The following RBM38 variants were observed in gnomAD, a reference collection of about 807,000 sequenced individuals.
The protein encoded by RBM38 is RNA-binding protein 38.
RBM38 carries 11 observed loss-of-function variants against 23.5 expected under a neutral mutation model. The observed-to-expected ratio is 0.47, with a 90% confidence interval of 0.29 to 0.77. RBM38 has a LOEUF of 0.77. RBM38 is among the 30% of genes least tolerant of loss of function. The pLI is 0.08. For missense variants in RBM38, 330 were observed against 351.9 expected (o/e 0.94, Z 0.50); for synonymous variants, 165 against 166.1 (o/e 0.99, Z 0.05).
chr20:57,401,407 C>A (rs968234988), intron 3 of RBM38, among the ~76,000 whole-genome samples: 1 of 152,196 alleles, frequency 6.6e-6, no homozygotes, highest in Non-Finnish European at 1.5e-5. Context: ...GCCTGCCCAG[C>A]CCTGGCTGCT....
Position 57,391,622 on chromosome 20 carries a change from T to G in RBM38, c.41T>G (p.Phe14Cys). The change falls in exon 1 of 4, where the codon TTC (phenylalanine) becomes TGC (cysteine). Residue 14 changes from phenylalanine (F) to cysteine (C), a missense_variant. By Grantham distance (205) the Phe-to-Cys change is radical. This residue lies in a region of RBM38 where 95 missense variants were observed against 111.9 expected (regional missense o/e 0.85). Coordinates refer to ENST00000356208, the MANE Select transcript of RBM38 (RefSeq NM_017495.6). ...GCGCCGTGCGCCCCGAGCGCGGGCT[T>G]CCCGCGGCCCCTGGCCGCCCCCGGC... is the stretch of plus-strand genomic sequence containing the variant. Reference protein sequence around the residue: ...QPAPCAPSAGFPRPLAAPGAM... With the variant: ...QPAPCAPSAGCPRPLAAPGAM... 7.0e-7 allele frequency: 1 copy of G among 1,435,358 alleles called. No individual in the cohort carries two copies. Among genetic ancestry groups the G allele is most frequent in the Non-Finnish European group, 9.2e-7 (1 of 1,083,890 alleles). The allele number at this position is 1,435,358 out of a possible 1,614,324, so 88.9% of individuals were successfully genotyped here.
At chr20:57,405,900 G>A (rs1177065990) in intron 3 of RBM38, among the ~76,000 whole-genome samples, 6 of 152,204 alleles carry the variant, frequency 3.9e-5, no homozygotes, top group South Asian at 2.1e-4. Context: ...GCCAAACCGC[G>A]CTCCAGAAAG....
chr20:57,407,617 C>G lies in RBM38; in HGVS notation c.491C>G (p.Ser164Trp), dbSNP rs150246007. The G allele has an allele frequency of 1.9e-6, 3 of 1,613,700 alleles. No individual in the cohort carries two copies. The highest frequency in any genetic ancestry group is 1.6e-4 in the Middle Eastern group (1 of 6,062). The part of the protein sequence containing the change: ...SVVIPAAPVP[S>W]LSSPYIEYTP... The stretch of plus-strand genomic sequence containing the variant: ...GTGATCCCAGCCGCCCCTGTCCCGT[C>G]GCTGTCCTCGCCCTACATTGAGTAC... The change falls in exon 4 of 4, where the codon TCG becomes TGG. Residue 164 changes from serine (S) to tryptophan (W), a missense_variant. Coordinates refer to ENST00000356208, the MANE Select transcript of RBM38 (RefSeq NM_017495.6). This position sits in a 1 kb window ranked among gnomAD's most constrained non-coding sequence, Gnocchi z 4.0.
intron 3 of RBM38, among the ~76,000 whole-genome samples, chr20:57,401,378 G>C (rs190795841): frequency 1.6e-4 from 24 of 152,326 alleles, no homozygotes; most frequent in African/African-American, 5.5e-4. Context: ...GGGTGGAGCC[G>C]TGCCTGCCTG....
Position 57,391,542 on chromosome 20 carries a change from C to G in RBM38, c.-40C>G. The G allele has an allele frequency of 1.6e-5, 13 of 798,114 alleles. No individual in the cohort carries two copies. The highest frequency in any genetic ancestry group is 2.0e-5 in the Non-Finnish European group (13 of 647,704). The allele number at this position is 798,114 out of a possible 1,614,324, so 49.4% of individuals were successfully genotyped here. A position where few individuals can be genotyped will look rare whatever the true frequency, so the allele number is the denominator to read the frequency against. ...TCCCCGCCGCCCCCCATGAGCGCAG[C>G]CCCGCGCGGCCCGGGTCCGTAGGCG... is the stretch of plus-strand genomic sequence containing the variant. On this transcript the variant is annotated 5_prime_UTR_variant, in exon 1 of 4. Transcript: ENST00000356208.
At chr20:57,404,030 G>T (rs960127185) in intron 3 of RBM38, among the ~76,000 whole-genome samples, 2 of 152,208 alleles carry the variant, frequency 1.3e-5, no homozygotes, top group African/African-American at 4.8e-5. Flanking sequence ...GGAGAGCCCC[G>T]CCTTCCTCCC....
chr20:57,400,331 C>A (rs144492289), intron 3 of RBM38, among the ~76,000 whole-genome samples: 42 of 152,218 alleles, frequency 2.8e-4, no homozygotes, highest in Middle Eastern at 3.4e-3. Flanking sequence ...CACGTGTGAA[C>A]GGGAAGGGAG....
chr20:57,408,139 T>G lies in RBM38; in HGVS notation c.*293T>G. 2.1e-6 allele frequency: 1 copy of G among 484,676 alleles called. No individual in the cohort carries two copies. Among genetic ancestry groups the G allele is most frequent in the Non-Finnish European group, 3.8e-6 (1 of 263,996 alleles). 30.0% of individuals were successfully genotyped at this position (484,676 alleles called of 1,614,324 possible). On this transcript the variant is annotated 3_prime_UTR_variant, in exon 4 of 4. Transcript: ENST00000356208. ...CATGGCAGCCTCTCCTTGCACCTTC[T>G]CCTGCCTCTCCACACTCCAGGTTCC...
intron 3 of RBM38, among the ~76,000 whole-genome samples, chr20:57,402,871 G>A (rs1010907433): frequency 2.6e-5 from 4 of 152,244 alleles, no homozygotes; most frequent in African/African-American, 4.8e-5. Flanking sequence ...GTGGCCGCCC[G>A]GCGTGGGCAC....
Position 57,408,035 on chromosome 20 carries a change from GGTCCCATTGT to G in RBM38, c.*193_*202del. The G allele has an allele frequency of 1.5e-6, 1 of 664,434 alleles. No individual in the cohort carries two copies. Among genetic ancestry groups the G allele is most frequent in the Non-Finnish European group, 2.5e-6 (1 of 395,670 alleles). The allele number at this position is 664,434 out of a possible 1,614,324, so 41.2% of individuals were successfully genotyped here. A position where few individuals can be genotyped will look rare whatever the true frequency, so the allele number is the denominator to read the frequency against. ...GGAGAGACGGCTTCTCTTTAATCTA[GGTCCCATTGT>G]GTCTTGAGGGAGGACTTTAAGAATG... is the stretch of plus-strand genomic sequence containing the variant. On this transcript the variant is annotated 3_prime_UTR_variant, in exon 4 of 4. Transcript: ENST00000356208.
At position 57,409,316 on chromosome 20, in the gene RBM38, G is replaced by GT. The variant is rs2146227001; in HGVS notation, c.*1474dup. On this transcript the variant is annotated 3_prime_UTR_variant, in exon 4 of 4. Transcript: ENST00000356208. ...TGTTCTGATGATAAAAATAAAACTT[G>GT]TTTTCTTTAAAGAAAAAGTTGATCT... 1 of 152,480 alleles carries GT rather than the reference G, an allele frequency of 6.6e-6. No individual in the cohort carries two copies. Among genetic ancestry groups the GT allele is most frequent in the East Asian group, 1.9e-4 (1 of 5,182 alleles). 9.4% of individuals were successfully genotyped at this position (152,480 alleles called of 1,614,324 possible). A position where few individuals can be genotyped will look rare whatever the true frequency, so the allele number is the denominator to read the frequency against.
intron 3 of RBM38, among the ~76,000 whole-genome samples, chr20:57,406,775 T>G (rs1333208542): frequency 6.6e-6 from 1 of 151,878 alleles, no homozygotes; most frequent in Non-Finnish European, 1.5e-5. Context: ...GGGCGGATCA[T>G]GAGGTCAGGA....
At chr20:57,406,318 T>C (rs1338279055) in intron 3 of RBM38, among the ~76,000 whole-genome samples, 1 of 151,962 alleles carries the variant, frequency 6.6e-6, no homozygotes, top group Admixed American at 6.5e-5. Context: ...GGCATGCTGT[T>C]GTATGGCCAG....
Position 57,392,278 on chromosome 20 carries a change from C to T in RBM38, c.238-376C>T, listed in dbSNP as rs1600741841. The T allele has an allele frequency of 1.2e-5, 6 of 514,970 alleles. No individual in the cohort carries two copies. The East Asian group carries it at 2.2e-4, about 19-fold the overall frequency. The allele number at this position is 514,970 out of a possible 1,614,324, so 31.9% of individuals were successfully genotyped here. On this transcript the variant is annotated intron_variant, in intron 1 of 3. Transcript: ENST00000356208. ...CGTCTTGAAGACACTTTCCTGCTTA[C>T]CTTCCAAGCATAGCGTCGCAAACTC... is the stretch of plus-strand genomic sequence containing the variant.
At chr20:57,394,318 GCTCCC>G (rs2067252356) in intron 3 of RBM38, among the ~76,000 whole-genome samples, 1 of 34,424 alleles carries the variant, frequency 2.9e-5, no homozygotes, top group Non-Finnish European at 9.4e-5. Flanking sequence ...GCTGAGCCTG[GCTCCC>G]AGGTGAATGG....
In RBM38 at chr20:57,407,117, G is replaced by T. The variant is rs915458982; in HGVS notation, c.417-426G>T. Among the ~76,000 whole-genome samples the T allele has an allele frequency of 6.6e-6, 1 of 152,188 alleles. No individual in the cohort carries two copies. The highest frequency in any genetic ancestry group is 6.5e-5 in the Admixed American group (1 of 15,288). ...GAGTGTCAGGGAGATGAGCAGGGAA[G>T]GGGGACAGGGCTGGCCTCCCAGACA... On this transcript the variant is annotated intron_variant, in intron 3 of 3. Coordinates refer to ENST00000356208, the MANE Select transcript of RBM38 (RefSeq NM_017495.6). The surrounding 1 kb of genome is among the most constrained non-coding windows in gnomAD (Gnocchi z 4.0).
chr20:57,398,194 A>G (rs150177170), intron 3 of RBM38, among the ~76,000 whole-genome samples: 186 of 152,086 alleles, frequency 1.2e-3, no homozygotes, highest in African/African-American at 4.3e-3. Context: ...GGAGTCTTTT[A>G]TTATTTTATA....
At position 57,407,846 on chromosome 20, in the gene RBM38, A is replaced by G. The variant is rs752446724; in HGVS notation, c.720A>G (p.Ter240TrpextTer30). 6.4e-7 allele frequency: 1 copy of G among 1,558,298 alleles called. No homozygotes were observed. ...APQLQPDRMQ[*>W] is the part of the protein sequence containing the mutation. The stretch of plus-strand genomic sequence containing the variant: ...AGCTGCAGCCTGACAGGATGCAGTG[A>G]GGGGCGTTCCTGCCCCGAGGACTGT... Residue 240 changes from the stop codon to tryptophan, a stop_lost, in exon 4 of 4, where the codon TGA (stop) becomes TGG (tryptophan). Transcript: ENST00000356208. The surrounding 1 kb of genome is among the most constrained non-coding windows in gnomAD (Gnocchi z 4.0).
At chr20:57,398,494 A>G (rs754744750) in intron 3 of RBM38, among the ~76,000 whole-genome samples, 13 of 152,128 alleles carry the variant, frequency 8.5e-5, no homozygotes, top group Non-Finnish European at 1.3e-4. Flanking sequence ...ACTCCCCCCA[A>G]CACTGTGGCG....
Sources: allele counts gnomAD v4.1 joint callset (sites outside exome capture counted in the v4.1 genomes callset), GRCh38; gene constraint gnomAD v4.1.1; regional missense constraint gnomAD v4.1.1; non-coding constraint Gnocchi (gnomAD v3.1); transcripts MANE v1.5; gene names NCBI Gene and HGNC (gene_info 2026-07-23, HGNC 2026-07-21).